Variants in PITPNC1 observed in about 807,000 individuals in gnomAD.
PITPNC1 encodes the protein cytoplasmic phosphatidylinositol transfer protein 1.
A neutral mutation model predicts 44.7 loss-of-function variants in PITPNC1; 18 were observed. That is an observed-to-expected ratio of 0.40 (90% confidence interval 0.28 to 0.60). The LOEUF is 0.60. Ranked by LOEUF, PITPNC1 falls within the 20% of genes least tolerant of loss-of-function variation. The pLI is 0.39. For synonymous variants in PITPNC1, 141 were observed against 149.6 expected, an observed-to-expected ratio of 0.94 and a Z score of 0.42; for missense variants, 290 against 418.4, an observed-to-expected ratio of 0.69 and a Z score of 2.68.
intron 6 of PITPNC1, among the ~76,000 whole-genome samples, chr17:67,668,773 A>G (rs1294859494): frequency 6.9e-6 from 1 of 144,948 alleles, no homozygotes; most frequent in African/African-American, 2.5e-5. Context: ...AAGACAGGAG[A>G]ATGGCGTGAA....
Position 67,622,256 on chromosome 17 carries a change from CA to C in PITPNC1, c.367-9870del, listed in dbSNP as rs536282843. The stretch of plus-strand genomic sequence containing the variant: ...TGGGTGACAGAGCGAGACTGCATCT[CA>C]AAAAAAAAAAAAAAAAGAAAAGATA... On this transcript the variant is annotated intron_variant, in intron 5 of 8. Coordinates refer to ENST00000581322, the MANE Select transcript of PITPNC1 (RefSeq NM_012417.4). Among the ~76,000 whole-genome samples, 110 of 91,744 alleles carry C rather than the reference CA, an allele frequency of 1.2e-3. 1 individual carries two copies. Among genetic ancestry groups the C allele is most frequent in the Non-Finnish European group, 1.4e-3 (59 of 42,064 alleles). The allele number at this position is 91,744 out of a possible 152,430, so 60.2% of individuals were successfully genotyped here.
chr17:67,493,045 G>A (rs1244534991), intron 1 of PITPNC1, among the ~76,000 whole-genome samples: 3 of 152,184 alleles, frequency 2.0e-5, no homozygotes, highest in Non-Finnish European at 4.4e-5. Flanking sequence ...CTATCTGTGT[G>A]TTCAGCTTCA....
At chr17:67,536,490 G>C (rs1374030985) in intron 2 of PITPNC1, among the ~76,000 whole-genome samples, 1 of 152,122 alleles carries the variant, frequency 6.6e-6, no homozygotes, top group Non-Finnish European at 1.5e-5. Flanking sequence ...GCCTCCCAAA[G>C]TGCCGGGATT....
intron 1 of PITPNC1, among the ~76,000 whole-genome samples, chr17:67,511,033 A>T (rs919337432): frequency 2.6e-5 from 4 of 152,042 alleles, no homozygotes; most frequent in African/African-American, 7.2e-5. Flanking sequence ...ATATTTTTTT[A>T]GATTTTTCTT....
chr17:67,662,697 G>A (rs1183100025), intron 6 of PITPNC1, among the ~76,000 whole-genome samples: 1 of 152,100 alleles, frequency 6.6e-6, no homozygotes, highest in East Asian at 1.9e-4. Context: ...GCCTTTGGTG[G>A]TTGGCTTCTT....
At chr17:67,686,203 T>G (rs1458865601) in intron 8 of PITPNC1, among the ~76,000 whole-genome samples, 1 of 150,268 alleles carries the variant, frequency 6.7e-6, no homozygotes, top group Non-Finnish European at 1.5e-5. Context: ...GACCAGATAA[T>G]TTTTTGTTGG....
At chr17:67,425,238 CACACACACACACACACACACACACAG>C (rs1423407099) in intron 1 of PITPNC1, among the ~76,000 whole-genome samples, 13 of 130,094 alleles carry the variant, frequency 1.0e-4, no homozygotes, top group African/African-American at 3.5e-4. Flanking sequence ...CACACACACA[CACACACACACACACACACACACACAG>C]AGGGAGAGAG....
In PITPNC1 at chr17:67,694,170, G is replaced by A. The variant is rs2042973635; in HGVS notation, c.*1282G>A. Reference sequence around the variant, plus strand: ...AGGTCACTCACTGAAGTGACAGAAAGACAATTCTCCTTTGCTCCAAAGAGA... The same window carrying A: ...AGGTCACTCACTGAAGTGACAGAAAAACAATTCTCCTTTGCTCCAAAGAGA... On this transcript the variant is annotated 3_prime_UTR_variant, in exon 9 of 9. Coordinates refer to ENST00000581322, the MANE Select transcript of PITPNC1 (RefSeq NM_012417.4). 6.6e-6 allele frequency: 1 copy of A among 152,192 alleles called. No homozygotes were observed. Among genetic ancestry groups the A allele is most frequent in the Non-Finnish European group, 1.5e-5 (1 of 68,026 alleles). 9.4% of individuals were successfully genotyped at this position (152,192 alleles called of 1,614,324 possible).
At chr17:67,382,674 G>C (rs1035604903) in intron 1 of PITPNC1, among the ~76,000 whole-genome samples, 1 of 152,130 alleles carries the variant, frequency 6.6e-6, no homozygotes, top group Non-Finnish European at 1.5e-5. Flanking sequence ...GCCCAGGCTG[G>C]AGTGCAGTGG....
intron 5 of PITPNC1, among the ~76,000 whole-genome samples, chr17:67,583,897 T>TGTG (rs1568052082): frequency 0.03 from 3,201 of 106,166 alleles, 56 homozygotes; most frequent in Admixed American, 0.068. Context: ...GTGTGTGTGT[T>TGTG]TGTGTGTGTG....
Position 67,436,908 on chromosome 17 carries a change from GT to G in PITPNC1, c.48+58734del, listed in dbSNP as rs1044625193. ...TCTGATTGTATTTGAAAATAGGGGT[GT>G]TTTTTTTTTTTTTTTTTTTTTTTTT... On this transcript the variant is annotated intron_variant, in intron 1 of 8. Coordinates refer to ENST00000581322, the MANE Select transcript of PITPNC1 (RefSeq NM_012417.4). Among the ~76,000 whole-genome samples the G allele has an allele frequency of 7.8e-3, 536 of 68,440 alleles. 1 individual carries two copies. Among genetic ancestry groups the G allele is most frequent in the African/African-American group, 0.022 (390 of 17,404 alleles). The allele number at this position is 68,440 out of a possible 152,430, so 44.9% of individuals were successfully genotyped here. A position where few individuals can be genotyped will look rare whatever the true frequency, so the allele number is the denominator to read the frequency against.
At chr17:67,645,506 G>A (rs1356103141) in intron 6 of PITPNC1, among the ~76,000 whole-genome samples, 1 of 151,982 alleles carries the variant, frequency 6.6e-6, no homozygotes, top group East Asian at 1.9e-4. Context: ...TTCACCATAG[G>A]GAAGCTTTGC....
intron 6 of PITPNC1, among the ~76,000 whole-genome samples, chr17:67,639,617 T>A (rs2042070912): frequency 2.0e-5 from 3 of 152,198 alleles, no homozygotes; most frequent in Non-Finnish European, 2.9e-5. Flanking sequence ...AGAATTTGAT[T>A]TTGAACTTTC....
chr17:67,581,925 C>T (rs1274829197), intron 5 of PITPNC1, among the ~76,000 whole-genome samples: 1 of 151,978 alleles, frequency 6.6e-6, no homozygotes, highest in Non-Finnish European at 1.5e-5. Context: ...CCCAGCTACT[C>T]AGGAGGCTGA....
intron 1 of PITPNC1, among the ~76,000 whole-genome samples, chr17:67,425,343 G>A (rs1209416765): frequency 6.6e-6 from 1 of 151,204 alleles, no homozygotes; most frequent in Non-Finnish European, 1.5e-5. Flanking sequence ...CTCAGAAATG[G>A]TCACAGCTTA....
At chr17:67,490,180 A>ATTATG (rs2039843989) in intron 1 of PITPNC1, among the ~76,000 whole-genome samples, 1 of 146,024 alleles carries the variant, frequency 6.8e-6, no homozygotes, top group African/African-American at 2.6e-5. Flanking sequence ...ACGAGGATGC[A>ATTATG]TTATGTAACT....
chr17:67,406,617 C>T (rs544502150), intron 1 of PITPNC1, among the ~76,000 whole-genome samples: 75 of 148,370 alleles, frequency 5.1e-4, no homozygotes, highest in African/African-American at 1.9e-3. Context: ...GATAAAGTCT[C>T]GCTCTGTCTA....
chr17:67,533,123 G>A (rs1033968320), intron 2 of PITPNC1, among the ~76,000 whole-genome samples, 173 bp downstream of exon 2: 3 of 152,296 alleles, frequency 2.0e-5, no homozygotes, highest in Admixed American at 2.0e-4. Context: ...CCCGAGCGAG[G>A]TGGCTCATGC....
intron 6 of PITPNC1, 104 bp from the exon 7 acceptor site, chr17:67,669,404 C>T: frequency 1.2e-6 from 1 of 859,988 alleles, no homozygotes; most frequent in Non-Finnish European, 1.7e-6. Flanking sequence ...GCGTGAGCCA[C>T]CACACCCAGC....
Sources: gnomAD v4.1 joint callset for allele counts (sites outside exome capture counted in the v4.1 genomes callset) on GRCh38, gnomAD v4.1.1 for gene constraint, MANE v1.5 for transcripts, NCBI Gene and HGNC (gene_info 2026-07-23, HGNC 2026-07-21) for gene names.